Variants in CCDC18 observed in about 807,000 individuals in gnomAD.
CCDC18 encodes the protein coiled-coil domain containing 18.
In CCDC18, 157 loss-of-function variants were observed where a neutral mutation model predicts 196.0. The observed-to-expected ratio is 0.80, with a 90% CI of 0.70 to 0.91. CCDC18 has a LOEUF of 0.91. Ranked by LOEUF, CCDC18 falls within the 40% of genes least tolerant of loss-of-function variation. The probability of loss-of-function intolerance (pLI) is 0.00; values close to 1 mark genes in which losing one functional copy is unlikely to be tolerated. For synonymous variants in CCDC18, 482 were observed against 529.2 expected (o/e 0.91, Z 1.22); for missense variants, 1,465 against 1,611.6 (o/e 0.91, Z 1.56).
chr1:93,180,535 C>T (rs1478834273), upstream of CCDC18: 2 of 1,512,188 alleles, frequency 1.3e-6, no homozygotes, highest in Non-Finnish European at 8.9e-7. Context: ...GTTCCCATGG[C>T]TTCCCCCACC....
chr1:93,254,409 CA>C, intron 23 of CCDC18, 61 bp from the exon 24 acceptor site: 4 of 1,245,760 alleles, frequency 3.2e-6, no homozygotes, highest in Non-Finnish European at 4.5e-6. Context: ...ACTTGGAACA[CA>C]GCATTGATTA....
chr1:93,213,411 T>G (rs661126), intron 11 of CCDC18, among the ~76,000 whole-genome samples: 73,778 of 126,894 alleles, frequency 0.58, 21,569 homozygotes, highest in South Asian at 0.76. Context: ...TTTTCTCTCT[T>G]TTTTTTTTTT....
At chr1:93,239,616 TA>T in intron 20 of CCDC18, 66 bp from the exon 21 acceptor site, 1 of 1,341,110 alleles carries the variant, frequency 7.5e-7, no homozygotes, top group Non-Finnish European at 1.0e-6. Context: ...TGAATATTCT[TA>T]ATATATACAA....
intron 26 of CCDC18, 96 bp downstream of exon 26, chr1:93,258,981 GAAT>G: frequency 2.1e-6 from 2 of 960,616 alleles, no homozygotes; most frequent in South Asian, 4.4e-5. Flanking sequence ...GTTCATTATT[GAAT>G]AATACATTGT....
chr1:93,245,731 A>G (rs1661416827), intron 21 of CCDC18, among the ~76,000 whole-genome samples: 1 of 152,122 alleles, frequency 6.6e-6, no homozygotes, highest in Non-Finnish European at 1.5e-5. Context: ...TGAAGTCACA[A>G]TTGTTACATG....
chr1:93,184,204 T>G (rs545405004), intron 3 of CCDC18, 58 bp downstream of exon 3: 1 of 987,160 alleles, frequency 1.0e-6, no homozygotes, highest in African/African-American at 1.7e-5. Flanking sequence ...CCTGTCTACT[T>G]AAAAAAAATT....
intron 6 of CCDC18, among the ~76,000 whole-genome samples, chr1:93,201,146 A>G (rs1653759980): frequency 6.6e-6 from 1 of 152,188 alleles, no homozygotes; most frequent in Non-Finnish European, 1.5e-5. Context: ...TGTATTTCTG[A>G]AGGGTTAAGA....
At chr1:93,252,691 G>A (rs188240245) in intron 23 of CCDC18, among the ~76,000 whole-genome samples, 2 of 152,294 alleles carry the variant, frequency 1.3e-5, no homozygotes, top group East Asian at 1.9e-4. Flanking sequence ...GATATGCAAC[G>A]ACATCTGCAT....
rs1398315883 is a variant in CCDC18, at chr1:93,221,653, A to G, written c.2007A>G (p.Gln669=). 1.3e-6 allele frequency: 2 copies of G among 1,574,006 alleles called. No homozygotes were observed. Among genetic ancestry groups the G allele is most frequent in the Middle Eastern group, 1.7e-4 (1 of 5,954 alleles). Reference sequence around the variant, plus strand: ...AAAAGGACCAACAATTTAAAGAACAAGAAAAGACTATGTCCATGTTGCAAC... The same window carrying G: ...AAAAGGACCAACAATTTAAAGAACAGGAAAAGACTATGTCCATGTTGCAAC... ...LEKKDQQFKE[Q]EKTMSMLQQD... The change falls in exon 15 of 29, where the codon CAA becomes CAG. Residue 669 remains glutamine (Q), a synonymous_variant. Coordinates refer to ENST00000690025, the MANE Select transcript of CCDC18 (RefSeq NM_001378204.1).
At chr1:93,264,659 A>C (rs1557709914) in intron 26 of CCDC18, 42 bp from the exon 27 acceptor site, 1 of 1,238,392 alleles carries the variant, frequency 8.1e-7, no homozygotes, top group Non-Finnish European at 1.2e-6. Context: ...GTTTCCTTCC[A>C]TTTTTTTATT....
At chr1:93,264,943 C>T (rs753775293) in intron 27 of CCDC18, 42 bp downstream of exon 27, 15 of 1,376,276 alleles carry the variant, frequency 1.1e-5, no homozygotes, top group South Asian at 5.9e-5. Flanking sequence ...TCTATGAAAA[C>T]ATAAATGTCT....
intron 19 of CCDC18, among the ~76,000 whole-genome samples, chr1:93,236,736 T>C (rs1343220100): frequency 6.6e-6 from 1 of 152,172 alleles, no homozygotes; most frequent in African/African-American, 2.4e-5. Flanking sequence ...AAAATGTAAA[T>C]GTACTCACAT....
intron 14 of CCDC18, among the ~76,000 whole-genome samples, chr1:93,219,947 T>C (rs1202808231): frequency 6.6e-6 from 1 of 152,208 alleles, no homozygotes; most frequent in East Asian, 1.9e-4. Flanking sequence ...CTGGAAGATC[T>C]GATATTCTTG....
chr1:93,273,290 G>A (rs557475979), intron 28 of CCDC18, among the ~76,000 whole-genome samples: 5 of 152,108 alleles, frequency 3.3e-5, no homozygotes, highest in South Asian at 2.1e-4. Flanking sequence ...GGATGGTCTC[G>A]ATCTCCTGAC....
chr1:93,236,799 AG>A (rs1660128792), intron 19 of CCDC18, among the ~76,000 whole-genome samples: 1 of 152,212 alleles, frequency 6.6e-6, no homozygotes. Flanking sequence ...ACAATATAAA[AG>A]TGGTTCTCAG....
At chr1:93,206,655 G>A (rs1654744002) in intron 8 of CCDC18, among the ~76,000 whole-genome samples, 1 of 152,126 alleles carries the variant, frequency 6.6e-6, no homozygotes. Context: ...AGAACAGAAA[G>A]TCATTGATGC....
At chr1:93,180,678 G>T, upstream of CCDC18, 1 of 1,340,954 alleles carries the variant, frequency 7.5e-7, no homozygotes, top group East Asian at 4.9e-5. Flanking sequence ...GTCTGCGCCG[G>T]GGCGGGGCAG....
intron 28 of CCDC18, among the ~76,000 whole-genome samples, chr1:93,275,414 G>T (rs1665569699): frequency 6.6e-6 from 1 of 152,128 alleles, no homozygotes; most frequent in Non-Finnish European, 1.5e-5. Flanking sequence ...TGGCCTGAAA[G>T]AGACATTTTA....
intron 27 of CCDC18, among the ~76,000 whole-genome samples, chr1:93,269,167 A>G (rs960030195): frequency 2.0e-5 from 3 of 151,508 alleles, no homozygotes; most frequent in Non-Finnish European, 2.9e-5. Flanking sequence ...TGAGCAAACT[A>G]TTGCAAGGAC....
Sources: allele counts gnomAD v4.1 joint callset (sites outside exome capture counted in the v4.1 genomes callset), GRCh38; gene constraint gnomAD v4.1.1; transcripts MANE v1.5; gene names NCBI Gene and HGNC (gene_info 2026-07-23, HGNC 2026-07-21).